ACACB: variants seen among roughly 807,000 people sequenced by gnomAD.
ACACB encodes acetyl-CoA carboxylase 2.
In ACACB, 209 loss-of-function variants were observed where a neutral mutation model predicts 278.8. That is an observed-to-expected ratio of 0.75 (90% CI 0.67 to 0.84). The LOEUF (loss-of-function observed/expected upper bound fraction) is 0.84. ACACB is among the 40% of genes least tolerant of loss of function. ACACB has a pLI of 0.00. For synonymous variants in ACACB, 1,174 were observed against 1,285.6 expected, an observed-to-expected ratio of 0.91 and a Z score of 1.86; for missense variants, 2,850 against 3,269.0, an observed-to-expected ratio of 0.87 and a Z score of 3.13.
Position 109,199,040 on chromosome 12 carries a change from A to T in ACACB, c.2628-362A>T, listed in dbSNP as rs191100373. On this transcript the variant is annotated intron_variant, in intron 17 of 52. Transcript: ENST00000338432. ...ATCTTTACTAAAAATACAAAAAAAA[A>T]TTAGCTGGATGTGGTGGTGGGCGCC... Among the ~76,000 whole-genome samples the T allele has an allele frequency of 3.3e-3, 506 of 152,098 alleles. 4 individuals are homozygous for T. Among genetic ancestry groups the T allele is most frequent in the African/African-American group, 0.012 (482 of 41,498 alleles).
intron 2 of ACACB, among the ~76,000 whole-genome samples, chr12:109,146,167 T>G (rs537776080): frequency 2.4e-4 from 36 of 152,324 alleles, no homozygotes; most frequent in African/African-American, 8.4e-4. Flanking sequence ...CTTGCCCCAT[T>G]TCCAAGACAA....
chr12:109,167,970 C>T lies in ACACB; in HGVS notation c.861C>T (p.Phe287=), dbSNP rs756056275. 7 of 1,613,898 alleles carry T rather than the reference C, an allele frequency of 4.3e-6. No homozygotes were observed. The highest frequency in any genetic ancestry group is 5.9e-6 in the Non-Finnish European group (7 of 1,179,990). Residue 287 remains phenylalanine (F), a synonymous_variant, in exon 4 of 53, where the codon TTC becomes TTT. Coordinates refer to ENST00000338432, the MANE Select transcript of ACACB (RefSeq NM_001093.4). Reference sequence around the variant, plus strand: ...TCCGCAGGTGGGCCTATGAGATGTTCCGCAACGAGCGGGCCATCCGGTTTG... The same window carrying T: ...TCCGCAGGTGGGCCTATGAGATGTTTCGCAACGAGCGGGCCATCCGGTTTG... ...RSIRRWAYEM[F]RNERAIRFVV... is the part of the protein sequence containing the mutation.
intron 48 of ACACB, 21 bp from the exon 49 acceptor site, chr12:109,262,336 C>T: frequency 1.3e-6 from 2 of 1,599,046 alleles, no homozygotes; most frequent in South Asian, 2.2e-5. Context: ...ATACCCCCAT[C>T]CCTGCCTCTT....
At chr12:109,187,647 A>T (rs920649613) in intron 12 of ACACB, among the ~76,000 whole-genome samples, 2 of 151,414 alleles carry the variant, frequency 1.3e-5, no homozygotes, top group African/African-American at 2.4e-5. Flanking sequence ...TTTTGTAGAG[A>T]TGGGGTCTCC....
Position 109,200,821 on chromosome 12 carries a change from C to T in ACACB, c.2779-746C>T, listed in dbSNP as rs200938693. 2.6e-5 allele frequency among the ~76,000 whole-genome samples: 4 copies of T among 152,198 alleles called. No homozygotes were observed. The East Asian group carries it at 7.7e-4, about 29-fold the overall frequency. ...GTAGCTACTGCATATTGACCTGCTG[C>T]ATGGCAGGATCTGCATCTCATTCAA... On this transcript the variant is annotated intron_variant, in intron 18 of 52. Coordinates refer to ENST00000338432, the MANE Select transcript of ACACB (RefSeq NM_001093.4).
At chr12:109,228,998 G>T (rs1316376470) in intron 28 of ACACB, among the ~76,000 whole-genome samples, 1 of 151,824 alleles carries the variant, frequency 6.6e-6, no homozygotes, top group Non-Finnish European at 1.5e-5. Flanking sequence ...TCGCTCTGTT[G>T]CCCAGGCTGG....
In ACACB at chr12:109,201,646, AAGC is replaced by A. The variant is rs778526186; in HGVS notation, c.2861_2863del (p.Ala954del). ...ATCAAGCGTCCAGGTGCCGTGCTGGAAGCAGGCTGCGTGGTGGCCAGGCTGGAG... is the reference window on the plus strand; with the variant it reads ...ATCAAGCGTCCAGGTGCCGTGCTGGAAGGCTGCGTGGTGGCCAGGCTGGAG... On this transcript the variant is annotated inframe_deletion, in exon 19 of 53. Coordinates refer to ENST00000338432, the MANE Select transcript of ACACB (RefSeq NM_001093.4). 6.2e-7 allele frequency: 1 copy of A among 1,614,130 alleles called. No homozygotes were observed. Among genetic ancestry groups the A allele is most frequent in the Non-Finnish European group, 8.5e-7 (1 of 1,180,024 alleles).
chr12:109,194,013 T>C (rs931709433), intron 16 of ACACB, among the ~76,000 whole-genome samples: 4 of 152,142 alleles, frequency 2.6e-5, no homozygotes, highest in Admixed American at 6.5e-5. Context: ...AAAAATTTAT[T>C]GTGTCCCAGT....
At position 109,188,137 on chromosome 12, in the gene ACACB, G is replaced by A; in HGVS notation, c.2119G>A (p.Gly707Arg). The part of the protein sequence containing the change: ...DSQFGHCFSW[G>R]ENREEAISNM... ...CCAATTTGGGCACTGCTTCTCCTGGGGAGAGAACCGGGAAGAGGCCATTTC... is the reference window on the plus strand; with the variant it reads ...CCAATTTGGGCACTGCTTCTCCTGGAGAGAGAACCGGGAAGAGGCCATTTC... Residue 707 changes from glycine to arginine, a missense_variant, in exon 13 of 53, where the codon GGA (glycine) becomes AGA (arginine). Transcript: ENST00000338432. 1 of 1,608,212 alleles carries A rather than the reference G, an allele frequency of 6.2e-7. No homozygotes were observed. The highest frequency in any genetic ancestry group is 1.3e-5 in the African/African-American group (1 of 74,918).
intron 5 of ACACB, 93 bp from the exon 6 acceptor site, chr12:109,172,182 A>G: frequency 7.9e-7 from 1 of 1,272,698 alleles, no homozygotes; most frequent in Admixed American, 1.9e-5. Context: ...TTGGCCTCCC[A>G]AACTGCTGGG....
At chr12:109,233,713 GCC>G in intron 29 of ACACB, 33 bp from the exon 30 acceptor site, 1 of 1,578,040 alleles carries the variant, frequency 6.3e-7, no homozygotes, top group Non-Finnish European at 8.7e-7. Flanking sequence ...TGGGTCAGCA[GCC>G]CCTCAGCCCT....
At chr12:109,259,200 T>C in intron 47 of ACACB, 92 bp downstream of exon 47, 1 of 1,453,050 alleles carries the variant, frequency 6.9e-7, no homozygotes, top group Non-Finnish European at 9.4e-7. Context: ...TCCTAGTCTG[T>C]GCCCATCATC....
Position 109,254,276 on chromosome 12 carries a change from C to G in ACACB, c.6108C>G (p.Phe2036Leu). 2.5e-6 allele frequency: 4 copies of G among 1,612,852 alleles called. No individual in the cohort carries two copies. Among genetic ancestry groups the G allele is most frequent in the Non-Finnish European group, 3.4e-6 (4 of 1,179,846 alleles). ...PTDPIDREIE[F>L]LPSRAPYDPR... ...ACCCCATTGACAGAGAAATTGAATT[C>G]CTCCCATCCAGAGCTCCCTACGACC... The change falls in exon 44 of 53, where the codon TTC becomes TTG. Residue 2036 changes from phenylalanine (F) to leucine (L), a missense_variant. By Grantham distance (22) the Phe-to-Leu change is conservative. This residue lies in a region of ACACB where 579 missense variants were observed against 684.6 expected (regional missense o/e 0.85). Transcript: ENST00000338432.
At chr12:109,232,076 G>T (rs1318122310) in intron 28 of ACACB, among the ~76,000 whole-genome samples, 2 of 152,214 alleles carry the variant, frequency 1.3e-5, no homozygotes, top group Admixed American at 1.3e-4. Flanking sequence ...GGGGCCTGCT[G>T]TGCTGACTTC....
Position 109,172,361 on chromosome 12 carries a change from A to G in ACACB, c.1117+5A>G. 1 of 1,613,974 alleles carries G rather than the reference A, an allele frequency of 6.2e-7. No homozygotes were observed. The highest frequency in any genetic ancestry group is 8.5e-7 in the Non-Finnish European group (1 of 1,179,908). ...AGAATGGAGTTGCTTTCTTAGGTAG[A>G]GTGTGTCCCCATCAGATACATGGGA... On this transcript the variant is annotated splice_donor_5th_base_variant and intron_variant, in intron 6 of 52. Coordinates refer to ENST00000338432, the MANE Select transcript of ACACB (RefSeq NM_001093.4).
chr12:109,238,658 C>T (rs181568609), intron 34 of ACACB, among the ~76,000 whole-genome samples: 12 of 150,358 alleles, frequency 8.0e-5, no homozygotes, highest in East Asian at 2.0e-4. Context: ...TCCGCACCCC[C>T]GGGTTCAAAC....
chr12:109,204,082 A>G (rs915763472), intron 19 of ACACB, among the ~76,000 whole-genome samples: 2 of 152,124 alleles, frequency 1.3e-5, no homozygotes, highest in African/African-American at 2.4e-5. Context: ...TTATGGGGGT[A>G]CATGTGATCT....
chr12:109,166,319 T>C (rs982177422), intron 2 of ACACB, among the ~76,000 whole-genome samples: 1 of 152,102 alleles, frequency 6.6e-6, no homozygotes, highest in African/African-American at 2.4e-5. Context: ...GGATTAAAAA[T>C]CTAAACATCC....
At position 109,242,448 on chromosome 12, in the gene ACACB, C is replaced by T; in HGVS notation, c.5034C>T (p.His1678=). Reference sequence around the variant, plus strand: ...CCTTTCTGGTCCAGATCATGTTTCACTCCTTCGGCAACAAGCAAGGGCCCC... The same window carrying T: ...CCTTTCTGGTCCAGATCATGTTTCATTCCTTCGGCAACAAGCAAGGGCCCC... ...TDSRSGNIMF[H]SFGNKQGPQH... Residue 1678 remains histidine (H), a synonymous_variant, in exon 37 of 53, where the codon CAC becomes CAT. Coordinates refer to ENST00000338432, the MANE Select transcript of ACACB (RefSeq NM_001093.4). The T allele has an allele frequency of 1.2e-6, 2 of 1,613,808 alleles. No individual in the cohort carries two copies. The highest frequency in any genetic ancestry group is 8.5e-7 in the Non-Finnish European group (1 of 1,179,778).
Sources: allele counts gnomAD v4.1 joint callset (sites outside exome capture counted in the v4.1 genomes callset), GRCh38; gene constraint gnomAD v4.1.1; regional missense constraint gnomAD v4.1.1; transcripts MANE v1.5; gene names NCBI Gene and HGNC (gene_info 2026-07-23, HGNC 2026-07-21).